GOLGA7B: variants seen among roughly 807,000 people sequenced by gnomAD.
The protein encoded by GOLGA7B is golgin subfamily A member 7B.
In GOLGA7B, 17 loss-of-function variants were observed where a neutral mutation model predicts 21.5. That is an observed-to-expected ratio of 0.79 (90% CI 0.54 to 1.19). The LOEUF is 1.19. Among genes scored for constraint, GOLGA7B ranks in the 50% most tolerant of loss-of-function variants. The probability of loss-of-function intolerance (pLI) is 0.00; values close to 1 mark genes in which losing one functional copy is unlikely to be tolerated. For synonymous variants in GOLGA7B, 87 were observed against 84.0 expected (o/e 1.04, Z -0.19); for missense variants, 169 against 224.4 (o/e 0.75, Z 1.58).
At chr10:97,852,889 T>C in intron 1 of GOLGA7B, among the ~76,000 whole-genome samples, 1 of 152,138 alleles carries the variant, frequency 6.6e-6, no homozygotes, top group Non-Finnish European at 1.5e-5. Context: ...TTTGGAGAGC[T>C]GCAATGAGCC....
chr10:97,856,760 A>G (rs891354230), intron 1 of GOLGA7B, among the ~76,000 whole-genome samples: 1 of 152,118 alleles, frequency 6.6e-6, no homozygotes, highest in African/African-American at 2.4e-5. Context: ...TGTTTTTTTA[A>G]TAATAGCTAT....
intron 1 of GOLGA7B, among the ~76,000 whole-genome samples, chr10:97,852,159 C>A (rs2049909347): frequency 6.6e-6 from 1 of 152,190 alleles, no homozygotes; most frequent in Admixed American, 6.5e-5. Context: ...TAAAAGGTGG[C>A]AGGGATGGGA....
rs1347058184 is a variant in GOLGA7B at position 97,864,231 on chromosome 10, C to T, written c.355C>T (p.Leu119Phe). Residue 119 changes from leucine (L) to phenylalanine (F), a missense_variant, in exon 4 of 5, where the codon CTC (leucine) becomes TTC (phenylalanine). Transcript: ENST00000370602. ...QNEKIFAPRGLLLTDPVERGM... is the reference protein window; with the variant it reads ...QNEKIFAPRGFLLTDPVERGM... ...TGAGAAGATCTTTGCACCTCGAGGC[C>T]TCCTACTTACAGACCCTGTGGAGCG... The T allele has an allele frequency of 6.2e-7, 1 of 1,614,198 alleles. No homozygotes were observed.
Position 97,866,999 on chromosome 10 carries a change from G to A in GOLGA7B, c.*1299G>A, listed in dbSNP as rs2050035183. The A allele has an allele frequency of 6.6e-6, 1 of 152,180 alleles. No homozygotes were observed. Among genetic ancestry groups the A allele is most frequent in the African/African-American group, 2.4e-5 (1 of 41,406 alleles). 9.4% of individuals were successfully genotyped at this position (152,180 alleles called of 1,614,324 possible). A position where few individuals can be genotyped will look rare whatever the true frequency, so the allele number is the denominator to read the frequency against. On this transcript the variant is annotated 3_prime_UTR_variant, in exon 5 of 5. Transcript: ENST00000370602. ...CTTGCCCCTCCCCTAGGGCTACCAG[G>A]GAACATACTCTACTGCATATGTTCT... is the stretch of plus-strand genomic sequence containing the variant.
chr10:97,869,839 C>T lies in GOLGA7B; in HGVS notation c.*4139C>T, dbSNP rs2050071799. On this transcript the variant is annotated 3_prime_UTR_variant, in exon 5 of 5. Coordinates refer to ENST00000370602, the MANE Select transcript of GOLGA7B (RefSeq NM_001010917.3). ...CTGGGCTGTCGAGCCTGGGAAACTC[C>T]ACATCCCTCTCCACACCTCTAGAAG... 1 of 152,292 alleles carries T rather than the reference C, an allele frequency of 6.6e-6. No homozygotes were observed. Among genetic ancestry groups the T allele is most frequent in the Admixed American group, 6.5e-5 (1 of 15,288 alleles). 9.4% of individuals were successfully genotyped at this position (152,292 alleles called of 1,614,324 possible). A position where few individuals can be genotyped will look rare whatever the true frequency, so the allele number is the denominator to read the frequency against.
rs1216116056 is a variant in GOLGA7B at position 97,865,621 on chromosome 10, G to C, written c.425G>C (p.Ser142Thr). The C allele has an allele frequency of 7.4e-6, 12 of 1,613,376 alleles. No individual in the cohort carries two copies. The highest frequency in any genetic ancestry group is 8.5e-6 in the Non-Finnish European group (10 of 1,179,718). ...IEISIYEDRC[S>T]SGSSSSGSSS... is the part of the protein sequence containing the mutation. ...ATCTCCATCTACGAGGACCGGTGCA[G>C]CAGTGGCAGCTCCAGCAGCGGCAGC... is the stretch of plus-strand genomic sequence containing the variant. The change falls in exon 5 of 5, where the codon AGC becomes ACC. Residue 142 changes from serine (S) to threonine (T), a missense_variant. By Grantham distance (58) the Ser-to-Thr change is moderately conservative. Transcript: ENST00000370602.
intron 1 of GOLGA7B, among the ~76,000 whole-genome samples, chr10:97,855,587 C>G (rs777654018): frequency 1.3e-5 from 2 of 152,182 alleles, no homozygotes; most frequent in African/African-American, 2.4e-5. Flanking sequence ...TCCCACAAAA[C>G]TGCTAGAATG....
intron 1 of GOLGA7B, among the ~76,000 whole-genome samples, chr10:97,856,996 T>C (rs1163305986): frequency 2.6e-5 from 4 of 152,152 alleles, no homozygotes; most frequent in Non-Finnish European, 5.9e-5. Context: ...AAAGGCATAA[T>C]TTGCAAATAT....
chr10:97,852,176 C>T (rs1308394179), intron 1 of GOLGA7B, among the ~76,000 whole-genome samples: 1 of 152,196 alleles, frequency 6.6e-6, no homozygotes, highest in South Asian at 2.1e-4. Flanking sequence ...GGGATAAGAA[C>T]TTGAGTCTTC....
chr10:97,860,866 T>C (rs2049967157), intron 2 of GOLGA7B, among the ~76,000 whole-genome samples: 1 of 152,130 alleles, frequency 6.6e-6, no homozygotes, highest in African/African-American at 2.4e-5. Context: ...GGCAGGGCAG[T>C]GGTGATCTTT....
chr10:97,855,075 A>G (rs960168528), intron 1 of GOLGA7B, among the ~76,000 whole-genome samples: 2 of 152,204 alleles, frequency 1.3e-5, no homozygotes, highest in African/African-American at 4.8e-5. Flanking sequence ...GCTGGGAATT[A>G]ATATAGCTGT....
chr10:97,856,629 A>G lies in GOLGA7B; in HGVS notation c.13-2829A>G, dbSNP rs567218116. Among the ~76,000 whole-genome samples, 6 of 152,312 alleles carry G rather than the reference A, an allele frequency of 3.9e-5. No individual in the cohort carries two copies. The East Asian group carries it at 7.7e-4, about 20-fold the overall frequency. On this transcript the variant is annotated intron_variant, in intron 1 of 4. Coordinates refer to ENST00000370602, the MANE Select transcript of GOLGA7B (RefSeq NM_001010917.3). ...TAGTGGGATTGCTGGGTTGAATGGT[A>G]GTTCTCTTTTTAGTTATTTAAGAAA...
intron 2 of GOLGA7B, 66 bp downstream of exon 2, chr10:97,859,649 G>A (rs951735628): frequency 6.4e-7 from 1 of 1,558,064 alleles, no homozygotes; most frequent in Non-Finnish European, 8.8e-7. Context: ...TTATTGGAAT[G>A]TATTTTATCC....
chr10:97,850,808 G>A (rs1223435792), intron 1 of GOLGA7B, among the ~76,000 whole-genome samples: 6 of 152,014 alleles, frequency 3.9e-5, no homozygotes, highest in Non-Finnish European at 8.8e-5. Flanking sequence ...GAACCCAAAT[G>A]GTTGGTCTCC....
rs2050034179 is a variant in GOLGA7B, at chr10:97,866,905, C to T, written c.*1205C>T. On this transcript the variant is annotated 3_prime_UTR_variant, in exon 5 of 5. Transcript: ENST00000370602. ...CTCTGCATCCTGCTGTCTTCGCTAC[C>T]TGAGGGTCTGTGACTTCTTCCCTGT... 6.6e-6 allele frequency: 1 copy of T among 152,316 alleles called. No individual in the cohort carries two copies. The highest frequency in any genetic ancestry group is 1.5e-5 in the Non-Finnish European group (1 of 68,128). 9.4% of individuals were successfully genotyped at this position (152,316 alleles called of 1,614,324 possible).
At position 97,871,048 on chromosome 10, in the gene GOLGA7B, T is replaced by A. The variant is rs1298172650; in HGVS notation, c.*5348T>A. ...GAAAGAGATGCTTGGTAATGTCGGT[T>A]TCTTTCCTTCCTTTCAGAGCCCAGC... On this transcript the variant is annotated 3_prime_UTR_variant, in exon 5 of 5. Coordinates refer to ENST00000370602, the MANE Select transcript of GOLGA7B (RefSeq NM_001010917.3). 1.3e-5 allele frequency: 2 copies of A among 152,154 alleles called. No homozygotes were observed. Among genetic ancestry groups the A allele is most frequent in the East Asian group, 3.9e-4 (2 of 5,192 alleles). 9.4% of individuals were successfully genotyped at this position (152,154 alleles called of 1,614,324 possible).
At chr10:97,857,510 T>C (rs1823858655) in intron 1 of GOLGA7B, among the ~76,000 whole-genome samples, 1 of 151,942 alleles carries the variant, frequency 6.6e-6, no homozygotes, top group African/African-American at 2.4e-5. Context: ...TGCTAAAGGA[T>C]TGGAAGAATC....
chr10:97,868,928 GTCAT>G lies in GOLGA7B; in HGVS notation c.*3232_*3235del, dbSNP rs2050059216. The G allele has an allele frequency of 6.6e-6, 1 of 152,130 alleles. No individual in the cohort carries two copies. The highest frequency in any genetic ancestry group is 2.4e-5 in the African/African-American group (1 of 41,432). The allele number at this position is 152,130 out of a possible 1,614,324, so 9.4% of individuals were successfully genotyped here. On this transcript the variant is annotated 3_prime_UTR_variant, in exon 5 of 5. Transcript: ENST00000370602. Reference sequence around the variant, plus strand: ...ACTAGGCTAAGACTCTACATAATTAGTCATTCAATTCTCACAGCAACCCTCTATG... The same window carrying G: ...ACTAGGCTAAGACTCTACATAATTAGTCAATTCTCACAGCAACCCTCTATG...
At chr10:97,851,576 A>G (rs781440413) in intron 1 of GOLGA7B, among the ~76,000 whole-genome samples, 2 of 152,224 alleles carry the variant, frequency 1.3e-5, no homozygotes, top group Admixed American at 6.5e-5. Flanking sequence ...CAAAGCACCA[A>G]AGACATGGAG....
Sources: gnomAD v4.1 joint callset for allele counts (sites outside exome capture counted in the v4.1 genomes callset) on GRCh38, gnomAD v4.1.1 for gene constraint, MANE v1.5 for transcripts, NCBI Gene and HGNC (gene_info 2026-07-23, HGNC 2026-07-21) for gene names.